Variants in TGFB1 observed in about 807,000 individuals in gnomAD.
TGFB1 encodes the protein transforming growth factor beta-1 proprotein.
Under a neutral mutation model 43.8 loss-of-function variants are expected in TGFB1, and 19 were observed. The ratio of observed to expected loss-of-function variants is 0.43; its 90% CI spans 0.30 to 0.64. TGFB1 has a LOEUF of 0.64. TGFB1 is among the 30% of genes least tolerant of loss of function. TGFB1 has a pLI of 0.11. For missense variants in TGFB1, 445 were observed against 529.8 expected (o/e 0.84, Z 1.57); for synonymous variants, 221 against 236.3 (o/e 0.94, Z 0.60).
chr19:41,352,545 C>T, intron 1 of TGFB1, 145 bp downstream of exon 1: 1 of 997,224 alleles, frequency 1.0e-6, no homozygotes, highest in Non-Finnish European at 1.5e-6. Context: ...GGACACCCCC[C>T]TCCCACCATC....
At chr19:41,338,572 C>T (rs376597713) in intron 5 of TGFB1, among the ~76,000 whole-genome samples, 58 of 151,460 alleles carry the variant, frequency 3.8e-4, no homozygotes, top group African/African-American at 1.3e-3. Flanking sequence ...GGAGCAGTGG[C>T]TCATGCCTGT....
chr19:41,338,049 G>A (rs886820720), intron 5 of TGFB1, among the ~76,000 whole-genome samples: 5 of 151,396 alleles, frequency 3.3e-5, no homozygotes, highest in South Asian at 2.1e-4. Context: ...AAAATTACCC[G>A]GGTGCGATGG....
At chr19:41,342,390 C>T (rs1239467268) in intron 3 of TGFB1, 143 bp from the exon 4 acceptor site, 15 of 432,296 alleles carry the variant, frequency 3.5e-5, no homozygotes, top group Middle Eastern at 6.4e-4. Flanking sequence ...GCAGCTCTCT[C>T]TTTTTTTTTT....
chr19:41,344,902 G>A, intron 2 of TGFB1, 38 bp from the exon 3 acceptor site: 1 of 1,531,182 alleles, frequency 6.5e-7, no homozygotes, highest in Non-Finnish European at 8.9e-7. Context: ...ACAGTGGGTA[G>A]ATGGTGTCAC....
In TGFB1 at chr19:41,353,183, A is replaced by G. The variant is rs573467500; in HGVS notation, c.-139T>C. Reference sequence around the variant, plus strand: ...AGGGAAAGCTGAGGTCCTCAGGGAGAAGGGCGCAGTGGTGGAGGGGAGGCT... The same window carrying G: ...AGGGAAAGCTGAGGTCCTCAGGGAGGAGGGCGCAGTGGTGGAGGGGAGGCT... On this transcript the variant is annotated 5_prime_UTR_variant, in exon 1 of 7. Coordinates refer to ENST00000221930, the MANE Select transcript of TGFB1 (RefSeq NM_000660.7). The surrounding 1 kb of genome is among the most constrained non-coding windows in gnomAD (Gnocchi z 5.9). The G allele has an allele frequency of 2.7e-6, 3 of 1,118,112 alleles. No homozygotes were observed. The highest frequency in any genetic ancestry group is 3.1e-5 in the Admixed American group (1 of 32,036). 69.3% of individuals were successfully genotyped at this position (1,118,112 alleles called of 1,614,324 possible).
chr19:41,350,670 T>C (rs1309222245), intron 1 of TGFB1, among the ~76,000 whole-genome samples: 1 of 152,194 alleles, frequency 6.6e-6, no homozygotes, highest in African/African-American at 2.4e-5. Context: ...CATGAACTGC[T>C]GGATCAACTG....
chr19:41,331,333 T>A (rs1335487327), intron 6 of TGFB1, 123 bp from the exon 7 acceptor site: 21 of 1,160,520 alleles, frequency 1.8e-5, no homozygotes, highest in Non-Finnish European at 2.3e-5. Context: ...CCGCATCCCC[T>A]CTTCCCATCT....
intron 3 of TGFB1, 148 bp from the exon 4 acceptor site, chr19:41,342,395 T>A (rs2038068335): frequency 2.8e-5 from 10 of 361,812 alleles, no homozygotes; most frequent in Non-Finnish European, 3.8e-5. Flanking sequence ...TCTCTCTTTT[T>A]TTTTTTTTTT....
chr19:41,335,240 G>T (rs1244765845), intron 5 of TGFB1, among the ~76,000 whole-genome samples: 2 of 151,980 alleles, frequency 1.3e-5, no homozygotes, highest in Non-Finnish European at 2.9e-5. Flanking sequence ...TTTTAGTAGA[G>T]GCTGGGTTTC....
Position 41,352,675 on chromosome 19 carries a change from C to T in TGFB1, c.355+15G>A, listed in dbSNP as rs141692355. ...GGGGGCCCCCCTCCCGGCTCCCCTGCCCCTCCGAGCTCACCGTTGTGGGTT... is the reference window on the plus strand; with the variant it reads ...GGGGGCCCCCCTCCCGGCTCCCCTGTCCCTCCGAGCTCACCGTTGTGGGTT... On this transcript the variant is annotated intron_variant, in intron 1 of 6. Transcript: ENST00000221930. 6.2e-7 allele frequency: 1 copy of T among 1,612,426 alleles called. No homozygotes were observed. The highest frequency in any genetic ancestry group is 1.1e-5 in the South Asian group (1 of 90,994).
rs374149201 is a variant in TGFB1 at position 41,342,474 on chromosome 19, C to CGA, written c.635-229_635-228dup. Among the ~76,000 whole-genome samples, 211 of 150,244 alleles carry CGA rather than the reference C, an allele frequency of 1.4e-3. 1 individual carries two copies. Among genetic ancestry groups the CGA allele is most frequent in the African/African-American group, 5.0e-3 (204 of 40,754 alleles). Reference sequence around the variant, plus strand: ...AAGCAATCCTCCCATCTCAGCCTCCCGAGTAGCTGGGACCACAGGCGCGTG... The same window carrying CGA: ...AAGCAATCCTCCCATCTCAGCCTCCCGAGAGTAGCTGGGACCACAGGCGCGTG... On this transcript the variant is annotated intron_variant, in intron 3 of 6. Transcript: ENST00000221930.
At chr19:41,350,899 A>C (rs1188084337) in intron 1 of TGFB1, 1 of 152,410 alleles carries the variant, frequency 6.6e-6, no homozygotes, top group African/African-American at 2.4e-5. Context: ...AGGGAGGAAG[A>C]CAGAGAGGAG....
chr19:41,350,057 G>A (rs895262390), intron 1 of TGFB1, among the ~76,000 whole-genome samples: 1 of 151,650 alleles, frequency 6.6e-6, no homozygotes, highest in Admixed American at 6.6e-5. Context: ...CATGGCTCAC[G>A]GCAGGCTGGA....
chr19:41,335,055 T>G (rs2037974051), intron 5 of TGFB1, among the ~76,000 whole-genome samples: 1 of 141,806 alleles, frequency 7.1e-6, no homozygotes, highest in Non-Finnish European at 1.5e-5. Flanking sequence ...GTGTCCGGAA[T>G]CTTTTTTTTT....
At chr19:41,332,899 A>C (rs2037949072) in intron 5 of TGFB1, among the ~76,000 whole-genome samples, 1 of 152,170 alleles carries the variant, frequency 6.6e-6, no homozygotes, top group Admixed American at 6.6e-5. Context: ...TTTTTTTAAA[A>C]AAGAGACAGA....
At chr19:41,349,522 C>T (rs1020526085) in intron 1 of TGFB1, among the ~76,000 whole-genome samples, 5 of 152,150 alleles carry the variant, frequency 3.3e-5, no homozygotes, top group Admixed American at 1.3e-4. Flanking sequence ...TTTGGGAGGC[C>T]GAGGTGGATT....
chr19:41,341,854 A>C, intron 5 of TGFB1, 29 bp downstream of exon 5: 4 of 1,612,376 alleles, frequency 2.5e-6, no homozygotes, highest in Non-Finnish European at 3.4e-6. Flanking sequence ...CCCAGCCTGG[A>C]AGGCCTCCAT....
rs2037919683 is a variant in TGFB1, at chr19:41,330,785, C to T, written c.*267G>A. 4 of 461,740 alleles carry T rather than the reference C, an allele frequency of 8.7e-6. No individual in the cohort carries two copies. Among genetic ancestry groups the T allele is most frequent in the Non-Finnish European group, 1.5e-5 (4 of 258,134 alleles). 28.6% of individuals were successfully genotyped at this position (461,740 alleles called of 1,614,324 possible). On this transcript the variant is annotated 3_prime_UTR_variant, in exon 7 of 7. Transcript: ENST00000221930. ...AGTGTTCCCCACTGGTCCCCTGTGC[C>T]TTGATGCCGGGCAAAGGAATAGTGC... is the stretch of plus-strand genomic sequence containing the variant.
At chr19:41,336,346 T>C (rs1304690502) in intron 5 of TGFB1, among the ~76,000 whole-genome samples, 2 of 151,464 alleles carry the variant, frequency 1.3e-5, no homozygotes. Context: ...GACCAACTCA[T>C]GGCCAATTTC....
Sources: gnomAD v4.1 joint callset for allele counts (sites outside exome capture counted in the v4.1 genomes callset) on GRCh38, gnomAD v4.1.1 for gene constraint, Gnocchi (gnomAD v3.1) non-coding constraint, MANE v1.5 for transcripts, NCBI Gene and HGNC (gene_info 2026-07-23, HGNC 2026-07-21) for gene names.